The following CERS6 variants were observed in gnomAD, a reference collection of about 807,000 sequenced individuals.
The protein encoded by CERS6 is LAG1 homolog, ceramide synthase 6.
CERS6 carries 26 observed loss-of-function variants against 56.8 expected under a neutral mutation model. That is an observed-to-expected ratio of 0.46 (90% CI 0.34 to 0.63). The LOEUF (loss-of-function observed/expected upper bound fraction) is 0.63, where lower values mean the gene tolerates loss of function less well. Ranked by LOEUF, CERS6 falls within the 30% of genes least tolerant of loss-of-function variation. The probability of loss-of-function intolerance (pLI) is 0.01; values close to 1 mark genes in which losing one functional copy is unlikely to be tolerated. For missense variants in CERS6, 415 were observed against 467.5 expected (o/e 0.89, Z 1.04); for synonymous variants, 164 against 173.3 (o/e 0.95, Z 0.42).
At chr2:168,498,331 G>GA (rs1232009704) in intron 1 of CERS6, among the ~76,000 whole-genome samples, 2 of 151,970 alleles carry the variant, frequency 1.3e-5, no homozygotes, top group African/African-American at 4.8e-5. Context: ...GCTGTTGACT[G>GA]AAAAAAATCA....
intron 4 of CERS6, among the ~76,000 whole-genome samples, chr2:168,660,920 T>G (rs33989150): frequency 0.42 from 64,122 of 152,090 alleles, 15,629 homozygotes; most frequent in South Asian, 0.59. Flanking sequence ...ATGTGATGTT[T>G]AAACATAGAG....
intron 1 of CERS6, among the ~76,000 whole-genome samples, chr2:168,461,500 T>G (rs2105317026): frequency 6.9e-6 from 1 of 145,418 alleles, no homozygotes; most frequent in Admixed American, 6.9e-5. Flanking sequence ...CAGACATAAA[T>G]AGCTTCTCAT....
At chr2:168,518,467 TA>T (rs903891207) in intron 1 of CERS6, among the ~76,000 whole-genome samples, 1 of 152,202 alleles carries the variant, frequency 6.6e-6, no homozygotes, top group African/African-American at 2.4e-5. Context: ...AGCTAATGCT[TA>T]AATGACTTAC....
intron 3 of CERS6, among the ~76,000 whole-genome samples, chr2:168,569,084 G>A (rs1016143211): frequency 6.6e-6 from 1 of 152,184 alleles, no homozygotes; most frequent in Non-Finnish European, 1.5e-5. Flanking sequence ...ACCGCAGACT[G>A]TGTGGCTTAA....
intron 1 of CERS6, among the ~76,000 whole-genome samples, chr2:168,538,591 A>G (rs927586762): frequency 6.6e-6 from 1 of 152,042 alleles, no homozygotes; most frequent in East Asian, 1.9e-4. Context: ...TTTTCTCTCT[A>G]GCACTTCTCA....
In CERS6 at chr2:168,599,990, A is replaced by G. The variant is rs552626002; in HGVS notation, c.408-30995A>G. 2.6e-5 allele frequency among the ~76,000 whole-genome samples: 4 copies of G among 152,246 alleles called. 1 individual carries two copies. Among genetic ancestry groups the G allele is most frequent in the African/African-American group, 7.2e-5 (3 of 41,544 alleles). On this transcript the variant is annotated intron_variant, in intron 3 of 9. Transcript: ENST00000305747. ...ACCTAAGAGTCATTTGACTGATGAT[A>G]TGGTTACAGTGATACAGTGATGCTT... is the stretch of plus-strand genomic sequence containing the variant.
At chr2:168,754,361 A>G (rs1684360857) in intron 8 of CERS6, among the ~76,000 whole-genome samples, 1 of 152,200 alleles carries the variant, frequency 6.6e-6, no homozygotes, top group Non-Finnish European at 1.5e-5. Context: ...ATAATACATA[A>G]TATTCAGTTT....
intron 4 of CERS6, among the ~76,000 whole-genome samples, chr2:168,661,193 T>C (rs1350376698): frequency 6.6e-6 from 1 of 152,128 alleles, no homozygotes; most frequent in African/African-American, 2.4e-5. Flanking sequence ...GAAATCCAAG[T>C]ATAGTTGTAT....
At chr2:168,457,857 G>A (rs1415668007) in intron 1 of CERS6, among the ~76,000 whole-genome samples, 2 of 152,194 alleles carry the variant, frequency 1.3e-5, no homozygotes, top group African/African-American at 4.8e-5. Flanking sequence ...TTTGTCTCAG[G>A]AAGGTATATT....
At chr2:168,588,306 C>T (rs1453555019) in intron 3 of CERS6, among the ~76,000 whole-genome samples, 4 of 152,088 alleles carry the variant, frequency 2.6e-5, no homozygotes, top group African/African-American at 4.8e-5. Flanking sequence ...GTGGCTTCTG[C>T]GTACATTCAC....
chr2:168,464,172 T>TGTGTG (rs1558959208), intron 1 of CERS6, among the ~76,000 whole-genome samples: 2 of 68,944 alleles, frequency 2.9e-5, no homozygotes, highest in East Asian at 1.1e-3. Context: ...TATTTATACT[T>TGTGTG]TTTGTGTGTG....
intron 4 of CERS6, among the ~76,000 whole-genome samples, chr2:168,662,477 C>T (rs1260857593): frequency 6.6e-6 from 1 of 152,068 alleles, no homozygotes; most frequent in Non-Finnish European, 1.5e-5. Flanking sequence ...GCCTGTAATC[C>T]CAGCACTTTG....
At chr2:168,673,333 T>C (rs1234397795) in intron 4 of CERS6, among the ~76,000 whole-genome samples, 2 of 152,180 alleles carry the variant, frequency 1.3e-5, no homozygotes, top group Non-Finnish European at 1.5e-5. Context: ...AATGCCCTGA[T>C]TGTGTTTAAT....
At chr2:168,768,682 G>T (rs912632863) in intron 9 of CERS6, among the ~76,000 whole-genome samples, 1 of 151,848 alleles carries the variant, frequency 6.6e-6, no homozygotes, top group African/African-American at 2.4e-5. Context: ...AAGGCAGGTG[G>T]ATCACCTGAG....
intron 9 of CERS6, chr2:168,766,311 T>C: frequency 6.3e-7 from 1 of 1,597,846 alleles, no homozygotes; most frequent in Non-Finnish European, 8.5e-7. Context: ...TTCCTTCTGC[T>C]ACCCTGGAAG....
intron 3 of CERS6, among the ~76,000 whole-genome samples, chr2:168,621,408 A>C (rs1684468812): frequency 6.6e-6 from 1 of 152,222 alleles, no homozygotes; most frequent in Admixed American, 6.5e-5. Context: ...TGATTCCCAC[A>C]AATTTTGGTC....
In CERS6 at chr2:168,630,987, G is replaced by A; in HGVS notation, c.410G>A (p.Trp137Ter). Reference sequence around the variant, plus strand: ...GATTTTTTTTTAACCTTCTACAGGTGGAGATTTTCATTTTACCTTTATGTA... The same window carrying A: ...GATTTTTTTTTAACCTTCTACAGGTAGAGATTTTCATTTTACCTTTATGTA... ...STLTRFCESM[W>*]RFSFYLYVFT... The change falls in exon 4 of 10, where the codon TGG becomes TAG. Residue 137 changes from tryptophan (W) to a stop codon, truncating the protein, a stop_gained and splice_region_variant. Coordinates refer to ENST00000305747, the MANE Select transcript of CERS6 (RefSeq NM_203463.3). LOFTEE classifies it high-confidence loss of function. 6.7e-7 allele frequency: 1 copy of A among 1,492,708 alleles called. No individual in the cohort carries two copies. Among genetic ancestry groups the A allele is most frequent in the Non-Finnish European group, 9.2e-7 (1 of 1,090,350 alleles). 92.5% of individuals were successfully genotyped at this position (1,492,708 alleles called of 1,614,324 possible).
At chr2:168,650,199 G>A (rs1685309957) in intron 4 of CERS6, among the ~76,000 whole-genome samples, 1 of 152,156 alleles carries the variant, frequency 6.6e-6, no homozygotes, top group Non-Finnish European at 1.5e-5. Flanking sequence ...AGAAACCTCT[G>A]TTTGGGTAGG....
chr2:168,659,969 AGAG>A (rs1319745200), intron 4 of CERS6, among the ~76,000 whole-genome samples: 2 of 152,236 alleles, frequency 1.3e-5, no homozygotes, highest in Non-Finnish European at 1.5e-5. Flanking sequence ...TATACTAAAG[AGAG>A]GAGAAAATTC....
Sources: allele counts gnomAD v4.1 joint callset (sites outside exome capture counted in the v4.1 genomes callset), GRCh38; gene constraint gnomAD v4.1.1; transcripts MANE v1.5; gene names NCBI Gene and HGNC (gene_info 2026-07-23, HGNC 2026-07-21).